Variants in CHST9 observed in about 807,000 individuals in gnomAD.
The protein encoded by CHST9 is GalNAc-4-sulfotransferase 2.
In CHST9, 41 loss-of-function variants were observed where a neutral mutation model predicts 44.4. The ratio of observed to expected loss-of-function variants is 0.92; its 90% CI spans 0.72 to 1.20. CHST9 has a LOEUF of 1.20. Ranked by LOEUF, CHST9 falls within the 50% of genes most tolerant of loss-of-function variation. CHST9 has a pLI of 0.00. For synonymous variants in CHST9, 171 were observed against 178.4 expected (o/e 0.96, Z 0.33); for missense variants, 504 against 516.5 (o/e 0.98, Z 0.23).
intron 2 of CHST9, among the ~76,000 whole-genome samples, chr18:27,101,293 T>G (rs1344091088): frequency 6.6e-6 from 1 of 152,154 alleles, no homozygotes; most frequent in Non-Finnish European, 1.5e-5. Flanking sequence ...TCTTTTTACA[T>G]AGTAGTTAAC....
At chr18:27,107,628 G>T (rs116283057) in intron 2 of CHST9, among the ~76,000 whole-genome samples, 2,622 of 152,250 alleles carry the variant, frequency 0.017, 66 homozygotes, top group African/African-American at 0.058. Context: ...TCTGTTAACA[G>T]CTCTGGAGTG....
At chr18:27,117,584 T>C (rs2058338324) in intron 2 of CHST9, among the ~76,000 whole-genome samples, 1 of 152,196 alleles carries the variant, frequency 6.6e-6, no homozygotes, top group Non-Finnish European at 1.5e-5. Context: ...ACCACTGATG[T>C]TTTTACTGTC....
Position 26,982,890 on chromosome 18 carries a change from C to T in CHST9, c.203-38524G>A, listed in dbSNP as rs181767894. 3.3e-5 allele frequency among the ~76,000 whole-genome samples: 5 copies of T among 152,260 alleles called. No individual in the cohort carries two copies. The East Asian group carries it at 5.8e-4, about 18-fold the overall frequency. On this transcript the variant is annotated intron_variant, in intron 4 of 5. Transcript: ENST00000618847. ...TATATGCCACACTCTGGGAATTCAACGGCCCTTGCCTTAAGCTCCTCACAG... is the reference window on the plus strand; with the variant it reads ...TATATGCCACACTCTGGGAATTCAATGGCCCTTGCCTTAAGCTCCTCACAG...
rs1458570474 is a variant in CHST9 at position 26,912,372 on chromosome 18, AATACACACACACACACACAC to A, written c.*3867_*3886del. The A allele has an allele frequency of 1.4e-5, 2 of 146,098 alleles. No homozygotes were observed. Among genetic ancestry groups the A allele is most frequent in the Non-Finnish European group, 3.0e-5 (2 of 66,516 alleles). 9.1% of individuals were successfully genotyped at this position (146,098 alleles called of 1,614,324 possible). A position where few individuals can be genotyped will look rare whatever the true frequency, so the allele number is the denominator to read the frequency against. On this transcript the variant is annotated 3_prime_UTR_variant, in exon 6 of 6. Transcript: ENST00000618847. ...TTGAAATGTGATAACTAACTAGCTAAATACACACACACACACACACACACACACACACACACACACAGACA... is the reference window on the plus strand; with the variant it reads ...TTGAAATGTGATAACTAACTAGCTAAACACACACACACACACACACAGACA...
intron 3 of CHST9, among the ~76,000 whole-genome samples, chr18:27,026,929 G>T (rs898642758): frequency 6.6e-6 from 1 of 152,120 alleles, no homozygotes; most frequent in Non-Finnish European, 1.5e-5. Context: ...TCTGATCATC[G>T]TTTTTTGTGG....
chr18:26,914,114 A>G lies in CHST9; in HGVS notation c.*2145T>C, dbSNP rs1276703165. The G allele has an allele frequency of 6.6e-6, 1 of 152,210 alleles. No homozygotes were observed. The highest frequency in any genetic ancestry group is 2.4e-5 in the African/African-American group (1 of 41,444). 9.4% of individuals were successfully genotyped at this position (152,210 alleles called of 1,614,324 possible). ...TACAATACAGCTTTCCGTAGAGAACACTGGGTATCATTTTCTTCCACTCAT... is the reference window on the plus strand; with the variant it reads ...TACAATACAGCTTTCCGTAGAGAACGCTGGGTATCATTTTCTTCCACTCAT... On this transcript the variant is annotated 3_prime_UTR_variant, in exon 6 of 6. Transcript: ENST00000618847.
chr18:27,072,920 G>A (rs532055935), intron 2 of CHST9, among the ~76,000 whole-genome samples: 2 of 152,212 alleles, frequency 1.3e-5, no homozygotes, highest in South Asian at 4.1e-4. Flanking sequence ...ATGATTACCA[G>A]GAACTCATTA....
chr18:27,084,628 T>C, intron 2 of CHST9, among the ~76,000 whole-genome samples: 1 of 151,806 alleles, frequency 6.6e-6, no homozygotes, highest in Admixed American at 6.6e-5. Flanking sequence ...TTTTGTATGG[T>C]TTTTTTGGTC....
chr18:27,159,623 C>T (rs1010235759), intron 1 of CHST9, among the ~76,000 whole-genome samples: 19 of 151,914 alleles, frequency 1.3e-4, no homozygotes, highest in Admixed American at 2.0e-4. Context: ...AACTTTAAAG[C>T]AGTTTTTTCC....
At chr18:27,166,877 C>A (rs1567946850) in intron 1 of CHST9, among the ~76,000 whole-genome samples, 3 of 152,146 alleles carry the variant, frequency 2.0e-5, no homozygotes, top group East Asian at 3.9e-4. Context: ...GAAATGAAGA[C>A]CCGAAGATGC....
intron 5 of CHST9, among the ~76,000 whole-genome samples, chr18:26,919,836 A>G (rs2055614130): frequency 6.6e-6 from 1 of 152,080 alleles, no homozygotes; most frequent in Non-Finnish European, 1.5e-5. Flanking sequence ...CTGACTCCCA[A>G]CACTCTGTGT....
At chr18:26,940,531 G>T (rs1000016813) in intron 5 of CHST9, among the ~76,000 whole-genome samples, 3 of 152,200 alleles carry the variant, frequency 2.0e-5, no homozygotes, top group African/African-American at 2.4e-5. Flanking sequence ...AATGGAAGAT[G>T]AATAGAAAGG....
chr18:27,157,937 G>C (rs2058710677), intron 1 of CHST9, among the ~76,000 whole-genome samples: 1 of 151,954 alleles, frequency 6.6e-6, no homozygotes, highest in Non-Finnish European at 1.5e-5. Context: ...TCAATGAAGA[G>C]AATTTCCAGT....
At chr18:26,949,181 C>T (rs534054262) in intron 4 of CHST9, among the ~76,000 whole-genome samples, 136 of 152,132 alleles carry the variant, frequency 8.9e-4, no homozygotes, top group African/African-American at 3.0e-3. Context: ...AGAAGGGGTG[C>T]GGGCTTGAGC....
chr18:27,000,715 A>G (rs2056942471), intron 4 of CHST9, among the ~76,000 whole-genome samples: 1 of 152,068 alleles, frequency 6.6e-6, no homozygotes, highest in African/African-American at 2.4e-5. Flanking sequence ...CCACCATGGT[A>G]GAATATTTTG....
chr18:27,134,615 AAGTTC>A (rs2058498694), intron 2 of CHST9, among the ~76,000 whole-genome samples: 1 of 152,228 alleles, frequency 6.6e-6, no homozygotes, highest in Non-Finnish European at 1.5e-5. Flanking sequence ...CAGGCAAAAT[AAGTTC>A]AGGACCAGGG....
In CHST9 at chr18:26,960,157, C is replaced by A. The variant is rs150364653; in HGVS notation, c.203-15791G>T. On this transcript the variant is annotated intron_variant, in intron 4 of 5. Transcript: ENST00000618847. ...TACCAGTAAAACATCCCACAGGAGGCAGAAATAGATATCAGGAAAATACCA... is the reference window on the plus strand; with the variant it reads ...TACCAGTAAAACATCCCACAGGAGGAAGAAATAGATATCAGGAAAATACCA... Among the ~76,000 whole-genome samples the A allele has an allele frequency of 2.5e-3, 375 of 152,096 alleles. 2 individuals are homozygous for A. The highest frequency in any genetic ancestry group is 8.7e-3 in the African/African-American group (360 of 41,480).
At chr18:27,107,388 C>T (rs866365128) in intron 2 of CHST9, among the ~76,000 whole-genome samples, 3 of 152,268 alleles carry the variant, frequency 2.0e-5, no homozygotes, top group Middle Eastern at 6.8e-3. Flanking sequence ...TATAGTGTGA[C>T]TGCTTGGGTA....
At chr18:27,075,373 G>T (rs2143661057) in intron 2 of CHST9, among the ~76,000 whole-genome samples, 1 of 152,072 alleles carries the variant, frequency 6.6e-6, no homozygotes, top group African/African-American at 2.4e-5. Flanking sequence ...AAAAAAGAAA[G>T]CCTTGTTTTC....
Sources: gnomAD v4.1 joint callset for allele counts (sites outside exome capture counted in the v4.1 genomes callset) on GRCh38, gnomAD v4.1.1 for gene constraint, MANE v1.5 for transcripts, NCBI Gene and HGNC (gene_info 2026-07-23, HGNC 2026-07-21) for gene names.